FARP1: variants seen among roughly 807,000 people sequenced by gnomAD.
FARP1 encodes FERM, ARH/RhoGEF and pleckstrin domain protein 1, also known as FERM, ARHGEF and pleckstrin domain-containing protein 1.
Under a neutral mutation model 128.8 loss-of-function variants are expected in FARP1, and 52 were observed. The ratio of observed to expected loss-of-function variants is 0.40; its 90% confidence interval spans 0.32 to 0.51. The LOEUF (loss-of-function observed/expected upper bound fraction) is 0.51. Among genes scored for constraint, FARP1 ranks in the 20% least tolerant of loss-of-function variants. The probability of loss-of-function intolerance (pLI) is 0.45; values close to 1 mark genes in which losing one functional copy is unlikely to be tolerated. For missense variants in FARP1, 1,333 were observed against 1,367.9 expected, an observed-to-expected ratio of 0.97 and a Z score of 0.40; for synonymous variants, 580 against 551.8, an observed-to-expected ratio of 1.05 and a Z score of -0.72.
rs369248143 is a variant in FARP1, at chr13:98,308,009, C to G, written c.172-35753C>G. On this transcript the variant is annotated intron_variant, in intron 2 of 26. Transcript: ENST00000319562. ...GCCCCTGGCCTGGACTGCCTGCCCCCCTCCGCCCGCCCCCACTCTCTCTCT... is the reference window on the plus strand; with the variant it reads ...GCCCCTGGCCTGGACTGCCTGCCCCGCTCCGCCCGCCCCCACTCTCTCTCT... 3.6e-4 allele frequency among the ~76,000 whole-genome samples: 49 copies of G among 137,066 alleles called. 1 individual carries two copies. Among genetic ancestry groups the G allele is most frequent in the Non-Finnish European group, 4.6e-4 (29 of 63,396 alleles). 89.9% of individuals were successfully genotyped at this position (137,066 alleles called of 152,430 possible).
At chr13:98,360,261 A>C (rs766913365) in intron 3 of FARP1, among the ~76,000 whole-genome samples, 4 of 152,000 alleles carry the variant, frequency 2.6e-5, no homozygotes, top group Non-Finnish European at 4.4e-5. Flanking sequence ...ACGGCTGGCT[A>C]ATTTTTATAC....
chr13:98,445,219 C>T (rs1320410090), intron 24 of FARP1: 1 of 152,254 alleles, frequency 6.6e-6, no homozygotes, highest in African/African-American at 2.4e-5. Context: ...GGTAAAATAG[C>T]TATACCACAA....
chr13:98,367,306 G>A (rs541218079), intron 4 of FARP1, among the ~76,000 whole-genome samples: 6 of 152,144 alleles, frequency 3.9e-5, no homozygotes, highest in East Asian at 3.9e-4. Context: ...ATAGGCGCCC[G>A]CCACCACGCC....
intron 5 of FARP1, 126 bp from the exon 6 acceptor site, chr13:98,377,695 G>A (rs893509242): frequency 3.9e-5 from 26 of 668,958 alleles, no homozygotes; most frequent in African/African-American, 3.7e-4. Context: ...GCTGGAATCC[G>A]TTCCAGCCCA....
At chr13:98,247,807 T>C (rs1594318856) in intron 2 of FARP1, among the ~76,000 whole-genome samples, 1 of 152,062 alleles carries the variant, frequency 6.6e-6, no homozygotes, top group Non-Finnish European at 1.5e-5. Context: ...GGGCAAGATG[T>C]CCGCAGCATC....
chr13:98,374,928 A>G (rs753021274), intron 5 of FARP1, among the ~76,000 whole-genome samples: 8 of 152,328 alleles, frequency 5.3e-5, no homozygotes, highest in Non-Finnish European at 8.8e-5. Context: ...CAGCTCTCAC[A>G]GGAAGTAACA....
intron 19 of FARP1, among the ~76,000 whole-genome samples, chr13:98,438,215 TCTCA>T (rs1233264306): frequency 6.6e-6 from 1 of 152,142 alleles, no homozygotes. Flanking sequence ...CACATCTGCC[TCTCA>T]CTCCTTTATC....
intron 3 of FARP1, among the ~76,000 whole-genome samples, chr13:98,358,870 C>G (rs1888746370): frequency 6.6e-6 from 1 of 152,122 alleles, no homozygotes; most frequent in Non-Finnish European, 1.5e-5. Flanking sequence ...ATCTCCTGAC[C>G]TTGTGATTCG....
Position 98,385,649 on chromosome 13 carries a change from T to G in FARP1, c.612-18T>G. 6.2e-7 allele frequency: 1 copy of G among 1,614,018 alleles called. No individual in the cohort carries two copies. The highest frequency in any genetic ancestry group is 8.5e-7 in the Non-Finnish European group (1 of 1,179,894). On this transcript the variant is annotated intron_variant, in intron 7 of 26. Coordinates refer to ENST00000319562, the MANE Select transcript of FARP1 (RefSeq NM_005766.4). ...ATTCAAATCTCCTGGCCTTTCTGTT[T>G]AATTTTTGTTTTGTCAGTGGACAAA... is the stretch of plus-strand genomic sequence containing the variant.
chr13:98,446,585 C>T (rs1892849316), intron 25 of FARP1, 81 bp from the exon 26 acceptor site: 2 of 1,474,594 alleles, frequency 1.4e-6, no homozygotes, highest in Non-Finnish European at 1.9e-6. Flanking sequence ...TCCCAAGTCC[C>T]TGTCTGATGC....
rs778325187 is a variant in FARP1 at position 98,213,360 on chromosome 13, G to A, written c.118G>A (p.Val40Met). The A allele has an allele frequency of 8.7e-6, 14 of 1,613,974 alleles. No homozygotes were observed. Among genetic ancestry groups the A allele is most frequent in the African/African-American group, 5.3e-5 (4 of 74,900 alleles). Residue 40 changes from valine to methionine, a missense_variant, in exon 2 of 27, where the codon GTG (valine) becomes ATG (methionine). Around this residue, in one of 2 missense-constraint regions of FARP1, gnomAD observed 324 missense variants for 398.1 expected, o/e 0.81. Coordinates refer to ENST00000319562, the MANE Select transcript of FARP1 (RefSeq NM_005766.4). ...KPPPTPSGKL[V>M]SIKIQMLDDT... ...GCCCCCAACACCTTCAGGAAAACTC[G>A]TGTCCATCAAAATCCAGATGCTGGA...
chr13:98,162,446 C>A lies in FARP1; in HGVS notation c.-24+18954C>A, dbSNP rs540944625. ...TGCGTTTGTGCCGCTATTCCTAGCT[C>A]GGGGCATGGCCTGTAGTAGGTGCTC... On this transcript the variant is annotated intron_variant, in intron 1 of 26. Transcript: ENST00000319562. 8.5e-5 allele frequency among the ~76,000 whole-genome samples: 13 copies of A among 152,246 alleles called. No homozygotes were observed. The South Asian group carries it at 2.7e-3, about 32-fold the overall frequency.
chr13:98,437,840 G>A (rs1414402381), intron 19 of FARP1: 2 of 1,597,300 alleles, frequency 1.3e-6, no homozygotes, highest in Non-Finnish European at 1.7e-6. Flanking sequence ...CAGAGAGGAG[G>A]CCATTGTTAT....
At chr13:98,220,867 A>G (rs1288645283) in intron 2 of FARP1, among the ~76,000 whole-genome samples, 2 of 152,200 alleles carry the variant, frequency 1.3e-5, no homozygotes, top group Non-Finnish European at 2.9e-5. Flanking sequence ...TCCCTGAAAA[A>G]AAAAACCAGT....
At chr13:98,430,814 A>G (rs532485566) in intron 17 of FARP1, among the ~76,000 whole-genome samples, 1 of 152,210 alleles carries the variant, frequency 6.6e-6, no homozygotes, top group Non-Finnish European at 1.5e-5. Context: ...TTTATGATCC[A>G]TGTGTATTTT....
intron 15 of FARP1, 44 bp from the exon 16 acceptor site, chr13:98,411,857 C>T: frequency 6.2e-7 from 1 of 1,603,482 alleles, no homozygotes; most frequent in South Asian, 1.1e-5. Flanking sequence ...AGACACTCGT[C>T]ATTGATCTTT....
chr13:98,252,735 G>T (rs933048192), intron 2 of FARP1, among the ~76,000 whole-genome samples: 4 of 152,124 alleles, frequency 2.6e-5, no homozygotes, highest in Non-Finnish European at 4.4e-5. Context: ...CCTGAAATTG[G>T]ATGTAAGTCA....
intron 1 of FARP1, among the ~76,000 whole-genome samples, chr13:98,173,092 T>C (rs1877765956): frequency 6.6e-6 from 1 of 152,196 alleles, no homozygotes; most frequent in African/African-American, 2.4e-5. Flanking sequence ...GCACTGGGTA[T>C]GTAGAATAAA....
chr13:98,252,925 A>G (rs1482624255), intron 2 of FARP1, among the ~76,000 whole-genome samples: 1 of 152,234 alleles, frequency 6.6e-6, no homozygotes, highest in Non-Finnish European at 1.5e-5. Context: ...TTTGACACCA[A>G]CATTTTTCAA....
Sources: allele counts gnomAD v4.1 joint callset (sites outside exome capture counted in the v4.1 genomes callset), GRCh38; gene constraint gnomAD v4.1.1; regional missense constraint gnomAD v4.1.1; transcripts MANE v1.5; gene names NCBI Gene and HGNC (gene_info 2026-07-23, HGNC 2026-07-21).